The following THSD4 variants were observed in gnomAD, a reference collection of about 807,000 sequenced individuals.
THSD4 encodes thrombospondin type-1 domain-containing protein 4.
Under a neutral mutation model 119.0 loss-of-function variants are expected in THSD4, and 69 were observed. The ratio of observed to expected loss-of-function variants is 0.58; its 90% CI spans 0.48 to 0.71. The LOEUF (loss-of-function observed/expected upper bound fraction) is 0.71, where lower values mean the gene tolerates loss of function less well. THSD4 is among the 30% of genes least tolerant of loss of function. The probability of loss-of-function intolerance (pLI) is 0.00; values close to 1 mark genes in which losing one functional copy is unlikely to be tolerated. For missense variants in THSD4, 1,393 were observed against 1,391.1 expected (o/e 1.00, Z -0.02); for synonymous variants, 524 against 540.4 (o/e 0.97, Z 0.42).
At chr15:71,707,857 A>G (rs959301626) in intron 8 of THSD4, among the ~76,000 whole-genome samples, 2 of 152,230 alleles carry the variant, frequency 1.3e-5, no homozygotes, top group African/African-American at 4.8e-5. Context: ...ATGCCTTTCA[A>G]ATAAAAACAA....
At chr15:71,645,813 A>G (rs2050958459) in intron 7 of THSD4, among the ~76,000 whole-genome samples, 1 of 152,214 alleles carries the variant, frequency 6.6e-6, no homozygotes. Context: ...CTTCTGGGAA[A>G]TTGGAGGTGT....
chr15:71,576,108 A>G (rs983773444), intron 7 of THSD4, among the ~76,000 whole-genome samples: 26 of 24,422 alleles, frequency 1.1e-3, no homozygotes, highest in African/African-American at 1.4e-3. Flanking sequence ...TTTTTGTGGA[A>G]AAAAAAAAAA....
At chr15:71,171,300 A>G (rs1670530939) in intron 3 of THSD4, among the ~76,000 whole-genome samples, 1 of 152,182 alleles carries the variant, frequency 6.6e-6, no homozygotes, top group African/African-American at 2.4e-5. Flanking sequence ...AAAAATAGAC[A>G]TATTACATAT....
chr15:71,309,428 T>C (rs936387229), intron 6 of THSD4, among the ~76,000 whole-genome samples: 5 of 152,238 alleles, frequency 3.3e-5, no homozygotes, highest in Non-Finnish European at 5.9e-5. Flanking sequence ...TTTGCAGATA[T>C]TGTCTTCCAG....
At chr15:71,109,883 G>A (rs965360888) in intron 1 of THSD4, among the ~76,000 whole-genome samples, 2 of 152,302 alleles carry the variant, frequency 1.3e-5, no homozygotes, top group South Asian at 2.1e-4. Flanking sequence ...CTTGGAGACC[G>A]TGTGACTTTG....
chr15:71,724,601 A>G (rs1209268591), intron 8 of THSD4, among the ~76,000 whole-genome samples: 2 of 151,988 alleles, frequency 1.3e-5, no homozygotes, highest in African/African-American at 2.4e-5. Flanking sequence ...GCCTAGAGCA[A>G]TAGAAAGCCA....
Position 71,728,707 on chromosome 15 carries a change from G to A in THSD4, c.1516G>A (p.Glu506Lys), listed in dbSNP as rs2052914484. ...CTTTTTGGCGGAAGGTCCCACCAAC[G>A]AGATCTTGGATGTCTACGTGAGTTT... ...ESFLAEGPTN[E>K]ILDVYMIHQQ... The change falls in exon 9 of 18, where the codon GAG (glutamate) becomes AAG (lysine). Residue 506 changes from glutamate to lysine, a missense_variant. Transcript: ENST00000261862. 1 of 1,613,946 alleles carries A rather than the reference G, an allele frequency of 6.2e-7. No homozygotes were observed. Among genetic ancestry groups the A allele is most frequent in the Admixed American group, 1.7e-5 (1 of 60,002 alleles).
chr15:71,255,437 T>C (rs923186379), intron 5 of THSD4, among the ~76,000 whole-genome samples: 4 of 152,246 alleles, frequency 2.6e-5, no homozygotes, highest in African/African-American at 9.6e-5. Flanking sequence ...GGGAGCAGTA[T>C]GTTTTCCTTG....
chr15:71,366,472 C>T (rs1192674576), intron 6 of THSD4, among the ~76,000 whole-genome samples: 3 of 152,146 alleles, frequency 2.0e-5, no homozygotes, highest in Admixed American at 2.0e-4. Context: ...TTAGAGGTGA[C>T]TCCTCCTCTC....
intron 6 of THSD4, among the ~76,000 whole-genome samples, chr15:71,319,544 C>T (rs1180179041): frequency 1.3e-5 from 2 of 151,952 alleles, no homozygotes; most frequent in Non-Finnish European, 2.9e-5. Context: ...TGATGGTTTC[C>T]AGCTTCATCC....
At chr15:71,440,753 G>A (rs149570475) in intron 7 of THSD4, among the ~76,000 whole-genome samples, 207 of 152,234 alleles carry the variant, frequency 1.4e-3, no homozygotes, top group African/African-American at 4.8e-3. Flanking sequence ...GTTTAATTCA[G>A]GGCTGGCAAT....
intron 8 of THSD4, among the ~76,000 whole-genome samples, chr15:71,675,975 C>G (rs1486187678): frequency 2.0e-5 from 3 of 152,162 alleles, no homozygotes; most frequent in Admixed American, 1.3e-4. Flanking sequence ...CCACTGCTAC[C>G]TCAAACTTGA....
intron 6 of THSD4, among the ~76,000 whole-genome samples, chr15:71,396,790 G>A (rs1186755982): frequency 6.6e-6 from 1 of 152,188 alleles, no homozygotes; most frequent in Non-Finnish European, 1.5e-5. Flanking sequence ...ACAGCATGAA[G>A]AGTTTTGAAC....
At chr15:71,247,368 T>C (rs2044214114) in intron 5 of THSD4, among the ~76,000 whole-genome samples, 1 of 152,058 alleles carries the variant, frequency 6.6e-6, no homozygotes, top group Admixed American at 6.6e-5. Context: ...GGGTGAGGTG[T>C]TAGGCTGTGG....
intron 7 of THSD4, among the ~76,000 whole-genome samples, chr15:71,442,660 G>GTGTATGTATGTGTATATATA: frequency 7.7e-5 from 2 of 25,828 alleles, no homozygotes; most frequent in Non-Finnish European, 9.2e-5. Context: ...GTGTGTGTGT[G>GTGTATGTATGTGTATATATA]TATATATATA....
intron 7 of THSD4, among the ~76,000 whole-genome samples, chr15:71,546,214 C>T (rs1475169708): frequency 6.6e-6 from 1 of 152,094 alleles, no homozygotes; most frequent in East Asian, 1.9e-4. Flanking sequence ...TGGAGTTTAA[C>T]CCACACCTGC....
rs555917808 is a variant in THSD4, at chr15:71,312,162, G to A, written c.1015+55447G>A. On this transcript the variant is annotated intron_variant, in intron 6 of 17. Transcript: ENST00000261862. ...GCTTCCAGTACCTCAGATTGTAACT[G>A]TATTTGGAGATAAGACCTTTAAAGA... Among the ~76,000 whole-genome samples, 20 of 152,250 alleles carry A rather than the reference G, an allele frequency of 1.3e-4. No homozygotes were observed. In the South Asian group the frequency reaches 3.5e-3, roughly 27 times the overall value.
At chr15:71,307,748 C>A (rs938900113) in intron 6 of THSD4, among the ~76,000 whole-genome samples, 3 of 152,090 alleles carry the variant, frequency 2.0e-5, no homozygotes, top group Non-Finnish European at 4.4e-5. Flanking sequence ...CCAGCCTGGG[C>A]GACAGAGCTA....
At chr15:71,633,319 A>G (rs1003957954) in intron 7 of THSD4, among the ~76,000 whole-genome samples, 1 of 125,080 alleles carries the variant, frequency 8.0e-6, no homozygotes, top group African/African-American at 3.2e-5. Flanking sequence ...TCTGTTGCCC[A>G]GGCTGAAGTG....
Sources: allele counts gnomAD v4.1 joint callset (sites outside exome capture counted in the v4.1 genomes callset), GRCh38; gene constraint gnomAD v4.1.1; transcripts MANE v1.5; gene names NCBI Gene and HGNC (gene_info 2026-07-23, HGNC 2026-07-21).